Variants in SMAD2 observed in about 807,000 individuals in gnomAD.
The protein encoded by SMAD2 is MAD homolog 2.
In SMAD2, 8 loss-of-function variants were observed where a neutral mutation model predicts 64.4. The observed-to-expected ratio is 0.12, with a 90% CI of 0.07 to 0.22. The LOEUF (loss-of-function observed/expected upper bound fraction) is 0.22, where lower values mean the gene tolerates loss of function less well. SMAD2 is among the 10% of genes least tolerant of loss of function. The pLI is 1.00. For missense variants in SMAD2, 289 were observed against 561.2 expected, an observed-to-expected ratio of 0.51 and a Z score of 4.90; for synonymous variants, 203 against 195.8, an observed-to-expected ratio of 1.04 and a Z score of -0.31.
At chr18:47,862,737 C>G (rs2031276691) in intron 6 of SMAD2, among the ~76,000 whole-genome samples, 1 of 152,118 alleles carries the variant, frequency 6.6e-6, no homozygotes, top group Non-Finnish European at 1.5e-5. Flanking sequence ...TATCTTGGAC[C>G]AAGCACAGTG....
chr18:47,852,587 G>C (rs1400017451), intron 6 of SMAD2, among the ~76,000 whole-genome samples: 1 of 152,148 alleles, frequency 6.6e-6, no homozygotes. Context: ...TATTATAACA[G>C]CATATTCTTT....
chr18:47,819,291 C>T lies in SMAD2; in HGVS notation c.*22536G>A, dbSNP rs1452742524. 6.6e-6 allele frequency: 1 copy of T among 152,152 alleles called. No homozygotes were observed. The highest frequency in any genetic ancestry group is 1.5e-5 in the Non-Finnish European group (1 of 68,012). The allele number at this position is 152,152 out of a possible 1,614,324, so 9.4% of individuals were successfully genotyped here. Reference sequence around the variant, plus strand: ...TAAAACTATAAACTCAACTTAAAAACAGAATGATCTTTGTATAACTGTAAG... The same window carrying T: ...TAAAACTATAAACTCAACTTAAAAATAGAATGATCTTTGTATAACTGTAAG... On this transcript the variant is annotated 3_prime_UTR_variant, in exon 11 of 11. Coordinates refer to ENST00000262160, the MANE Select transcript of SMAD2 (RefSeq NM_005901.6).
At chr18:47,928,955 C>G (rs924814715) in intron 1 of SMAD2, among the ~76,000 whole-genome samples, 1 of 152,142 alleles carries the variant, frequency 6.6e-6, no homozygotes, top group Non-Finnish European at 1.5e-5. Flanking sequence ...ATATTTACTA[C>G]GACAGCTAAG....
At chr18:47,873,765 G>C (rs1284798733) in intron 2 of SMAD2, among the ~76,000 whole-genome samples, 2 of 152,172 alleles carry the variant, frequency 1.3e-5, no homozygotes, top group Admixed American at 1.3e-4. Context: ...GCTGCAAACT[G>C]TACTGGATGA....
chr18:47,850,764 ATATACATTATGTATAATATATAT>A (rs2029900107), intron 7 of SMAD2, among the ~76,000 whole-genome samples: 4 of 13,374 alleles, frequency 3.0e-4, no homozygotes, highest in African/African-American at 7.1e-4. Context: ...TATATATATT[ATATACATTATGTATAATATATAT>A]TATATATTAT....
rs1236151827 is a variant in SMAD2 at position 47,816,973 on chromosome 18, G to A, written c.*24854C>T. ...AGAGGGGGTTTCACTATGTTGGCCAGGCTGGTCTCAAACTCCTGACCTCGT... is the reference window on the plus strand; with the variant it reads ...AGAGGGGGTTTCACTATGTTGGCCAAGCTGGTCTCAAACTCCTGACCTCGT... On this transcript the variant is annotated 3_prime_UTR_variant, in exon 11 of 11. Transcript: ENST00000262160. 1 of 152,256 alleles carries A rather than the reference G, an allele frequency of 6.6e-6. No homozygotes were observed. Among genetic ancestry groups the A allele is most frequent in the Non-Finnish European group, 1.5e-5 (1 of 68,108 alleles). 9.4% of individuals were successfully genotyped at this position (152,256 alleles called of 1,614,324 possible). A position where few individuals can be genotyped will look rare whatever the true frequency, so the allele number is the denominator to read the frequency against.
chr18:47,889,097 T>C (rs891310506), intron 2 of SMAD2, among the ~76,000 whole-genome samples: 1 of 151,642 alleles, frequency 6.6e-6, no homozygotes, highest in Non-Finnish European at 1.5e-5. Context: ...AATATCTAAA[T>C]TGAAAAAGAG....
chr18:47,890,034 A>T (rs1280366387), intron 2 of SMAD2, among the ~76,000 whole-genome samples: 3 of 152,198 alleles, frequency 2.0e-5, no homozygotes, highest in Non-Finnish European at 2.9e-5. Context: ...CTGATAAGGT[A>T]AGTGATAAAA....
chr18:47,880,537 G>A (rs2032525657), intron 2 of SMAD2, among the ~76,000 whole-genome samples: 1 of 152,174 alleles, frequency 6.6e-6, no homozygotes, highest in African/African-American at 2.4e-5. Context: ...CTTGAAGTCA[G>A]GGTAATTTAA....
chr18:47,825,410 T>A lies in SMAD2; in HGVS notation c.*16417A>T, dbSNP rs922748274. 2.6e-5 allele frequency: 4 copies of A among 152,192 alleles called. No homozygotes were observed. The highest frequency in any genetic ancestry group is 5.9e-5 in the Non-Finnish European group (4 of 68,052). The allele number at this position is 152,192 out of a possible 1,614,324, so 9.4% of individuals were successfully genotyped here. On this transcript the variant is annotated 3_prime_UTR_variant, in exon 11 of 11. Transcript: ENST00000262160. ...TCTCACTCTCTCAAGACTAGATTAG[T>A]CCCCAGGAGTGGGTTGTTAAAAAGA...
intron 6 of SMAD2, among the ~76,000 whole-genome samples, chr18:47,852,177 T>C (rs951857274): frequency 1.3e-5 from 2 of 152,200 alleles, no homozygotes; most frequent in Non-Finnish European, 2.9e-5. Flanking sequence ...GAAAGCTCTT[T>C]ATGTGTATTA....
intron 2 of SMAD2, among the ~76,000 whole-genome samples, chr18:47,893,068 G>C (rs967474094): frequency 7.2e-5 from 11 of 151,946 alleles, no homozygotes; most frequent in Non-Finnish European, 1.6e-4. Flanking sequence ...CTGATTTCAC[G>C]ACCAAGTTGT....
intron 6 of SMAD2, among the ~76,000 whole-genome samples, chr18:47,852,573 A>G (rs2030218588): frequency 6.6e-6 from 1 of 152,196 alleles, no homozygotes; most frequent in African/African-American, 2.4e-5. Flanking sequence ...AAAGGTTTAA[A>G]TAGTATTATA....
At chr18:47,914,076 T>C (rs757775436) in intron 1 of SMAD2, among the ~76,000 whole-genome samples, 16 of 152,240 alleles carry the variant, frequency 1.1e-4, no homozygotes, top group Non-Finnish European at 2.4e-4. Flanking sequence ...CTCTATATTA[T>C]AGTTTGACAA....
chr18:47,917,845 G>A (rs748010019), intron 1 of SMAD2, among the ~76,000 whole-genome samples: 9 of 152,088 alleles, frequency 5.9e-5, no homozygotes, highest in East Asian at 1.9e-4. Flanking sequence ...GAGCCACCAC[G>A]CCTAACCAAG....
chr18:47,845,515 A>C (rs1914409218), intron 9 of SMAD2, 31 bp from the exon 10 acceptor site: 2 of 1,605,240 alleles, frequency 1.2e-6, no homozygotes, highest in Non-Finnish European at 1.7e-6. Context: ...AGAAATTGTC[A>C]AAAGAGTATC....
intron 1 of SMAD2, among the ~76,000 whole-genome samples, chr18:47,907,866 C>G (rs2033968289): frequency 6.6e-6 from 1 of 152,180 alleles, no homozygotes; most frequent in African/African-American, 2.4e-5. Context: ...GCCCAGGAGG[C>G]AGAGGCTGCA....
intron 7 of SMAD2, among the ~76,000 whole-genome samples, chr18:47,850,591 T>A (rs868121592): frequency 2.4e-3 from 120 of 49,122 alleles, no homozygotes; most frequent in African/African-American, 5.4e-3. Flanking sequence ...ATATATATAT[T>A]ATATATATTA....
chr18:47,902,780 A>C (rs575874585), intron 1 of SMAD2, among the ~76,000 whole-genome samples: 2 of 152,344 alleles, frequency 1.3e-5, no homozygotes, highest in East Asian at 3.9e-4. Context: ...CAGCCTAAGA[A>C]GAACTAAATT....
Sources: gnomAD v4.1 joint callset for allele counts (sites outside exome capture counted in the v4.1 genomes callset) on GRCh38, gnomAD v4.1.1 for gene constraint, MANE v1.5 for transcripts, NCBI Gene and HGNC (gene_info 2026-07-23, HGNC 2026-07-21) for gene names.